Variants in OPRM1 observed in about 807,000 individuals in gnomAD.
The protein encoded by OPRM1 is mu-type opioid receptor.
In OPRM1, 27 loss-of-function variants were observed where a neutral mutation model predicts 31.8. The ratio of observed to expected loss-of-function variants is 0.85; its 90% CI spans 0.63 to 1.17. The LOEUF is 1.17. Ranked by LOEUF, OPRM1 falls within the 50% of genes most tolerant of loss-of-function variation. The probability of loss-of-function intolerance (pLI) is 0.00; values close to 1 mark genes in which losing one functional copy is unlikely to be tolerated. For synonymous variants in OPRM1, 196 were observed against 189.9 expected (o/e 1.03, Z -0.26); for missense variants, 536 against 511.1 (o/e 1.05, Z -0.47).
At chr6:154,090,406 T>G (rs1409422621) in intron 2 of OPRM1, among the ~76,000 whole-genome samples, 1 of 152,222 alleles carries the variant, frequency 6.6e-6, no homozygotes, top group Admixed American at 6.5e-5. Context: ...ATTTCTGATT[T>G]CTCTGTATTT....
At chr6:154,227,716 CA>C (rs899070819) in intron 3 of OPRM1, among the ~76,000 whole-genome samples, 35 of 150,248 alleles carry the variant, frequency 2.3e-4, no homozygotes, top group Admixed American at 4.0e-4. Context: ...AAATGTGTCT[CA>C]AAAAAAAATT....
chr6:154,188,196 T>G (rs1287047607), intron 3 of OPRM1, among the ~76,000 whole-genome samples: 1 of 152,176 alleles, frequency 6.6e-6, no homozygotes, highest in Non-Finnish European at 1.5e-5. Flanking sequence ...CTAATTGCAT[T>G]CATGTAAACC....
rs635511 is a variant in OPRM1, at chr6:154,131,555, G to C, written c.*12834G>C. Among the ~76,000 whole-genome samples, 147,656 of 152,242 alleles carry C rather than the reference G, an allele frequency of 0.97. 71,645 individuals carry two copies. Among genetic ancestry groups the C allele is most frequent in the East Asian group, 1 (5,184 of 5,184 alleles). On this transcript the variant is annotated 3_prime_UTR_variant, in exon 4 of 4. Transcript: ENST00000330432. Reference sequence around the variant, plus strand: ...GCTGCTCTGCACGTAGATTCAGTTTGTATGCCAGGGTGACATTTTAATTTA... The same window carrying C: ...GCTGCTCTGCACGTAGATTCAGTTTCTATGCCAGGGTGACATTTTAATTTA...
intron 3 of OPRM1, among the ~76,000 whole-genome samples, chr6:154,234,288 C>T (rs1469349340): frequency 3.3e-5 from 5 of 152,168 alleles, no homozygotes. Flanking sequence ...TCACAGGCTC[C>T]CAGGGTTCCC....
chr6:154,049,982 CTT>C (rs754015304), intron 1 of OPRM1, among the ~76,000 whole-genome samples: 10 of 151,902 alleles, frequency 6.6e-5, no homozygotes, highest in Non-Finnish European at 1.5e-4. Context: ...TTTGATATGT[CTT>C]TGGTTTTGGC....
At chr6:154,020,796 AT>A (rs1252707956) in intron 1 of OPRM1, among the ~76,000 whole-genome samples, 1 of 151,852 alleles carries the variant, frequency 6.6e-6, no homozygotes, top group African/African-American at 2.4e-5. Context: ...AATGTTGAAA[AT>A]TTTTTCATAT....
At chr6:154,072,242 C>T (rs977844374) in intron 1 of OPRM1, among the ~76,000 whole-genome samples, 5 of 151,990 alleles carry the variant, frequency 3.3e-5, no homozygotes, top group South Asian at 2.1e-4. Flanking sequence ...TAAATGTGGC[C>T]GTTAGGATCA....
intron 3 of OPRM1, among the ~76,000 whole-genome samples, chr6:154,210,649 T>C (rs1777885610): frequency 1.3e-5 from 2 of 152,322 alleles, no homozygotes; most frequent in East Asian, 3.9e-4. Context: ...AAAAGCTTTT[T>C]CTAAAATCCA....
chr6:154,028,245 T>C (rs1778811185), intron 1 of OPRM1, among the ~76,000 whole-genome samples: 2 of 152,204 alleles, frequency 1.3e-5, no homozygotes, highest in Non-Finnish European at 2.9e-5. Flanking sequence ...CAGGTTCCCT[T>C]CTGGCCCAGG....
intron 3 of OPRM1, among the ~76,000 whole-genome samples, chr6:154,184,498 T>A (rs1583734982): frequency 6.6e-6 from 1 of 152,068 alleles, no homozygotes; most frequent in Non-Finnish European, 1.5e-5. Context: ...ACATTTTTTT[T>A]AAAAGACCAA....
At chr6:154,114,119 A>T (rs1225331372) in intron 3 of OPRM1, among the ~76,000 whole-genome samples, 2 of 152,174 alleles carry the variant, frequency 1.3e-5, no homozygotes, top group East Asian at 3.9e-4. Context: ...TTTCTAATCA[A>T]CTTGTACATA....
chr6:154,100,110 T>TATATTATCATATTATGACATATATCATAA (rs1562472323), intron 3 of OPRM1, among the ~76,000 whole-genome samples: 7 of 24,720 alleles, frequency 2.8e-4, no homozygotes, highest in African/African-American at 7.0e-4. Flanking sequence ...GATATATATA[T>TATATTATCATATTATGACATATATCATAA]TATATATTAT....
chr6:154,212,211 CATTA>C (rs1778018057), intron 3 of OPRM1, among the ~76,000 whole-genome samples: 1 of 152,186 alleles, frequency 6.6e-6, no homozygotes, highest in Non-Finnish European at 1.5e-5. Flanking sequence ...ATAGACTTCA[CATTA>C]ATTAATAATG....
chr6:154,097,025 G>C (rs17084973), intron 3 of OPRM1, among the ~76,000 whole-genome samples: 5,099 of 152,264 alleles, frequency 0.033, 297 homozygotes, highest in African/African-American at 0.12. Flanking sequence ...AGCCATTTCA[G>C]TCAAGCTGAT....
Position 154,148,572 on chromosome 6 carries a change from T to C in OPRM1, c.1164+57100T>C, listed in dbSNP as rs145553485. Among the ~76,000 whole-genome samples, 95 of 152,314 alleles carry C rather than the reference T, an allele frequency of 6.2e-4. No homozygotes were observed. In the South Asian group the frequency reaches 8.7e-3, roughly 14 times the overall value. On this transcript the variant is annotated intron_variant, in intron 3 of 3. Coordinates refer to the OPRM1 transcript ENST00000337049. Reference sequence around the variant, plus strand: ...CTGAGTCATCCTGCCTGTGTGCTTCTTCTGAAAGGGACGCTCTCTGGTAGG... The same window carrying C: ...CTGAGTCATCCTGCCTGTGTGCTTCCTCTGAAAGGGACGCTCTCTGGTAGG...
intron 3 of OPRM1, among the ~76,000 whole-genome samples, chr6:154,142,073 C>T (rs570929285): frequency 6.6e-6 from 1 of 152,180 alleles, no homozygotes; most frequent in South Asian, 2.1e-4. Flanking sequence ...ATGCAAATAG[C>T]CCAACTCTCA....
chr6:154,062,382 C>G (rs914802740), intron 1 of OPRM1, among the ~76,000 whole-genome samples: 1 of 152,100 alleles, frequency 6.6e-6, no homozygotes, highest in Non-Finnish European at 1.5e-5. Flanking sequence ...AGTCAGAAGA[C>G]AACTCCATAT....
intron 3 of OPRM1, among the ~76,000 whole-genome samples, chr6:154,236,351 G>A (rs993362313): frequency 6.6e-6 from 1 of 152,176 alleles, no homozygotes. Flanking sequence ...AGTCAAATTC[G>A]TAGAGACAGA....
intron 3 of OPRM1, among the ~76,000 whole-genome samples, chr6:154,116,861 G>T (rs1796937653): frequency 6.6e-6 from 1 of 152,028 alleles, no homozygotes; most frequent in African/African-American, 2.4e-5. Context: ...AGCACCCCTG[G>T]ACTTCTTTCC....
Sources: gnomAD v4.1 joint callset for allele counts (sites outside exome capture counted in the v4.1 genomes callset) on GRCh38, gnomAD v4.1.1 for gene constraint, MANE v1.5 for transcripts, NCBI Gene and HGNC (gene_info 2026-07-23, HGNC 2026-07-21) for gene names.